FAM151B: variants seen among roughly 807,000 people sequenced by gnomAD.
FAM151B encodes family with sequence similarity 151 member B.
FAM151B carries 24 observed loss-of-function variants against 31.2 expected under a neutral mutation model. That is an observed-to-expected ratio of 0.77 (90% CI 0.56 to 1.08). The LOEUF (loss-of-function observed/expected upper bound fraction) is 1.08, where lower values mean the gene tolerates loss of function less well. Ranked by LOEUF, FAM151B falls within the 50% of genes least tolerant of loss-of-function variation. The pLI is 0.00. For synonymous variants in FAM151B, 105 were observed against 111.4 expected (o/e 0.94, Z 0.36); for missense variants, 293 against 328.6 (o/e 0.89, Z 0.84).
chr5:80,538,504 T>TC (rs1745693079), intron 5 of FAM151B, among the ~76,000 whole-genome samples: 1 of 103,036 alleles, frequency 9.7e-6, no homozygotes, highest in Non-Finnish European at 1.9e-5. Context: ...CCTTCCTTTC[T>TC]TTTCTTTCTT....
intron 1 of FAM151B, among the ~76,000 whole-genome samples, chr5:80,495,790 C>T (rs1375443386): frequency 7.3e-6 from 1 of 136,180 alleles, no homozygotes; most frequent in African/African-American, 2.9e-5. Context: ...AGATGCGCCA[C>T]ACTGCACTCC....
At chr5:80,500,853 T>C (rs762706591) in intron 1 of FAM151B, 1 of 1,064,008 alleles carries the variant, frequency 9.4e-7, no homozygotes. Context: ...ACACTTTGAT[T>C]GTTCCATCTC....
At chr5:80,498,617 A>G in intron 1 of FAM151B, 2 of 843,312 alleles carry the variant, frequency 2.4e-6, no homozygotes, top group South Asian at 1.3e-5. Context: ...TAAACACTCC[A>G]GCACCATCTG....
intron 5 of FAM151B, among the ~76,000 whole-genome samples, chr5:80,532,216 TTGTGGGG>T (rs1449073794): frequency 9.9e-6 from 1 of 100,730 alleles, no homozygotes; most frequent in African/African-American, 4.0e-5. Flanking sequence ...CCGGGGCCTG[TTGTGGGG>T]TGGGGGGAGG....
chr5:80,493,379 GA>G (rs1743391252), intron 1 of FAM151B, among the ~76,000 whole-genome samples: 1 of 152,134 alleles, frequency 6.6e-6, no homozygotes, highest in African/African-American at 2.4e-5. Flanking sequence ...ATGTGTGTTT[GA>G]ACAGTATGAA....
intron 2 of FAM151B, among the ~76,000 whole-genome samples, chr5:80,508,026 C>G (rs1236505656): frequency 6.6e-6 from 1 of 152,182 alleles, no homozygotes; most frequent in Non-Finnish European, 1.5e-5. Flanking sequence ...CAGGGAAGCA[C>G]CTTCCTATGT....
intron 5 of FAM151B, among the ~76,000 whole-genome samples, chr5:80,530,262 A>G (rs529494943): frequency 2.4e-4 from 37 of 152,252 alleles, no homozygotes; most frequent in African/African-American, 8.7e-4. Flanking sequence ...ATTTATGACA[A>G]ACCCACAGCC....
At chr5:80,506,166 G>A in intron 2 of FAM151B, 1 of 958,000 alleles carries the variant, frequency 1.0e-6, no homozygotes, top group Non-Finnish European at 1.2e-6. Flanking sequence ...AGCACTTGAA[G>A]TTTTCCTGAT....
chr5:80,508,350 A>G (rs192877446), intron 2 of FAM151B, among the ~76,000 whole-genome samples: 360 of 152,226 alleles, frequency 2.4e-3, no homozygotes, highest in African/African-American at 8.1e-3. Flanking sequence ...GAACTGCCAA[A>G]CTTTTCCAAA....
At chr5:80,536,160 A>G (rs2443552) in intron 5 of FAM151B, among the ~76,000 whole-genome samples, 7 of 141,858 alleles carry the variant, frequency 4.9e-5, no homozygotes, top group Non-Finnish European at 1.1e-4. Flanking sequence ...AGTTTAGTTT[A>G]GTTTTGTTTT....
rs372187543 is a variant in FAM151B at position 80,501,843 on chromosome 5, C to A, written c.77C>A (p.Thr26Lys). ...LEYFLRNSQI[T>K]AEDGAEITWY... ...TATTTTCTGAGAAATAGCCAGATTACAGCAGAAGACGGTGCTGAGATCACC... is the reference window on the plus strand; with the variant it reads ...TATTTTCTGAGAAATAGCCAGATTAAAGCAGAAGACGGTGCTGAGATCACC... The change falls in exon 2 of 6, where the codon ACA (threonine) becomes AAA (lysine). Residue 26 changes from threonine (T) to lysine (K), a missense_variant. Coordinates refer to ENST00000282226, the MANE Select transcript of FAM151B (RefSeq NM_205548.3). The A allele has an allele frequency of 6.2e-7, 1 of 1,603,576 alleles. No homozygotes were observed. The highest frequency in any genetic ancestry group is 1.1e-5 in the South Asian group (1 of 89,688).
intron 5 of FAM151B, among the ~76,000 whole-genome samples, chr5:80,523,048 C>T (rs746604505): frequency 8.5e-5 from 13 of 152,118 alleles, no homozygotes; most frequent in Non-Finnish European, 1.9e-4. Flanking sequence ...ATGCTGACAC[C>T]TTTGCTTATT....
Position 80,542,541 on chromosome 5 carries a change from T to C in FAM151B, c.*709T>C, listed in dbSNP as rs1745940029. 6.6e-6 allele frequency: 1 copy of C among 151,962 alleles called. No homozygotes were observed. Among genetic ancestry groups the C allele is most frequent in the South Asian group, 2.1e-4 (1 of 4,828 alleles). The allele number at this position is 151,962 out of a possible 1,614,324, so 9.4% of individuals were successfully genotyped here. A position where few individuals can be genotyped will look rare whatever the true frequency, so the allele number is the denominator to read the frequency against. On this transcript the variant is annotated 3_prime_UTR_variant, in exon 6 of 6. Transcript: ENST00000282226. Reference sequence around the variant, plus strand: ...ACCACCTTCATTCAGGTCCTTGTTCTACTAGTAAAACTTTATGAACTACTT... The same window carrying C: ...ACCACCTTCATTCAGGTCCTTGTTCCACTAGTAAAACTTTATGAACTACTT...
chr5:80,532,216 T>A (rs1745274654), intron 5 of FAM151B, among the ~76,000 whole-genome samples: 1 of 100,730 alleles, frequency 9.9e-6, no homozygotes, highest in Non-Finnish European at 1.9e-5. Flanking sequence ...CCGGGGCCTG[T>A]TGTGGGGTGG....
intron 5 of FAM151B, among the ~76,000 whole-genome samples, chr5:80,538,430 T>TTCTTTCTTTC (rs1745648081): frequency 1.7e-5 from 1 of 58,882 alleles, no homozygotes; most frequent in African/African-American, 9.2e-5. Flanking sequence ...CTTTCTTTCT[T>TTCTTTCTTTC]TCTTTCTTTC....
intron 2 of FAM151B, among the ~76,000 whole-genome samples, chr5:80,511,576 G>A (rs1007600955): frequency 4.0e-5 from 6 of 150,124 alleles, no homozygotes; most frequent in African/African-American, 9.8e-5. Context: ...CTTCTTTTTC[G>A]TTTTTGCCCA....
In FAM151B at chr5:80,515,465, C is replaced by T. The variant is rs79182596; in HGVS notation, c.317+1696C>T. ...GAAATAAAGCATTTGATCTTTAGTG[C>T]TTGATGGCTTAAACTTTTAGATCTC... On this transcript the variant is annotated intron_variant, in intron 3 of 5. Transcript: ENST00000282226. 1.7e-3 allele frequency among the ~76,000 whole-genome samples: 262 copies of T among 152,224 alleles called. 1 individual carries two copies. Among genetic ancestry groups the T allele is most frequent in the African/African-American group, 6.1e-3 (253 of 41,542 alleles).
intron 2 of FAM151B, among the ~76,000 whole-genome samples, chr5:80,509,539 T>G (rs1251304881): frequency 6.6e-6 from 1 of 152,132 alleles, no homozygotes; most frequent in Non-Finnish European, 1.5e-5. Flanking sequence ...TGTTATTCTG[T>G]CATCACAGTA....
At chr5:80,536,165 T>A (rs137881861) in intron 5 of FAM151B, among the ~76,000 whole-genome samples, 1,561 of 147,560 alleles carry the variant, frequency 0.011, 20 homozygotes, top group African/African-American at 0.036. Flanking sequence ...AGTTTAGTTT[T>A]GTTTTGTTTT....
Sources: gnomAD v4.1 joint callset for allele counts (sites outside exome capture counted in the v4.1 genomes callset) on GRCh38, gnomAD v4.1.1 for gene constraint, MANE v1.5 for transcripts, NCBI Gene and HGNC (gene_info 2026-07-23, HGNC 2026-07-21) for gene names.